WWOX: variants seen among roughly 807,000 people sequenced by gnomAD.
WWOX encodes the protein WW domain-containing oxidoreductase.
A neutral mutation model predicts 46.2 loss-of-function variants in WWOX; 69 were observed. That is an observed-to-expected ratio of 1.49 (90% CI 1.23 to 1.82). The LOEUF (loss-of-function observed/expected upper bound fraction) is 1.82. Ranked by LOEUF, WWOX falls within the 40% of genes most tolerant of loss-of-function variation. The probability of loss-of-function intolerance (pLI) is 0.00; values close to 1 mark genes in which losing one functional copy is unlikely to be tolerated. For synonymous variants in WWOX, 359 were observed against 202.6 expected (o/e 1.77, Z -6.56); for missense variants, 919 against 542.6 (o/e 1.69, Z -6.89).
chr16:78,923,718 C>A (rs934134029), intron 8 of WWOX, among the ~76,000 whole-genome samples: 4 of 148,460 alleles, frequency 2.7e-5, no homozygotes, highest in African/African-American at 7.4e-5. Flanking sequence ...TTTTTATCTG[C>A]CTTGGAAATG....
intron 8 of WWOX, among the ~76,000 whole-genome samples, chr16:79,005,811 C>T (rs974812547): frequency 6.6e-6 from 1 of 152,126 alleles, no homozygotes; most frequent in Non-Finnish European, 1.5e-5. Flanking sequence ...TTTTAGGGAC[C>T]CTTTCAGGCC....
chr16:78,868,672 GA>G (rs1199748819), intron 8 of WWOX, among the ~76,000 whole-genome samples: 1 of 152,124 alleles, frequency 6.6e-6, no homozygotes, highest in Non-Finnish European at 1.5e-5. Flanking sequence ...AGTTTAGCAA[GA>G]GTCACTCTGA....
intron 8 of WWOX, among the ~76,000 whole-genome samples, chr16:78,802,915 G>GGAAAAAAAAAAAAAA (rs2050927892): frequency 9.6e-5 from 1 of 10,442 alleles, no homozygotes; most frequent in Non-Finnish European, 1.9e-4. Context: ...GACTTCATCT[G>GGAAAAAAAAAAAAAA]AAAAAAAAAA....
In WWOX at chr16:78,228,669, A is replaced by T. The variant is rs573328585; in HGVS notation, c.516+64380A>T. 5.3e-5 allele frequency among the ~76,000 whole-genome samples: 8 copies of T among 152,298 alleles called. No homozygotes were observed. The South Asian group carries it at 1.0e-3, about 20-fold the overall frequency. ...GGAATCATATTCTCTTCACTGAAACATTTCAGATGACTTAAAAATTCACCT... is the reference window on the plus strand; with the variant it reads ...GGAATCATATTCTCTTCACTGAAACTTTTCAGATGACTTAAAAATTCACCT... On this transcript the variant is annotated intron_variant, in intron 5 of 8. Transcript: ENST00000566780.
chr16:78,659,333 G>A (rs1031069289), intron 8 of WWOX, among the ~76,000 whole-genome samples: 3 of 151,864 alleles, frequency 2.0e-5, no homozygotes, highest in Admixed American at 6.6e-5. Context: ...TAACCATCGC[G>A]CCTGGGGTTC....
chr16:78,196,821 A>C (rs1049200840), intron 5 of WWOX, among the ~76,000 whole-genome samples: 2 of 152,236 alleles, frequency 1.3e-5, no homozygotes, highest in African/African-American at 4.8e-5. Flanking sequence ...CTAATGATTT[A>C]ATGTACTCTC....
chr16:78,693,619 T>C (rs2048037419), intron 8 of WWOX, among the ~76,000 whole-genome samples: 1 of 152,110 alleles, frequency 6.6e-6, no homozygotes, highest in Non-Finnish European at 1.5e-5. Context: ...GTCGGGAACA[T>C]TTGGCAATGT....
At chr16:78,912,387 C>G (rs1453690092) in intron 8 of WWOX, among the ~76,000 whole-genome samples, 1 of 151,892 alleles carries the variant, frequency 6.6e-6, no homozygotes, top group Non-Finnish European at 1.5e-5. Flanking sequence ...CATGACAAAT[C>G]TGAGGGTCAG....
rs1454010719 is a variant in WWOX, at chr16:78,360,809, T to C, written c.517-26051T>C. Among the ~76,000 whole-genome samples, 5 of 131,924 alleles carry C rather than the reference T, an allele frequency of 3.8e-5. No homozygotes were observed. The East Asian group carries it at 1.0e-3, about 27-fold the overall frequency. 86.5% of individuals were successfully genotyped at this position (131,924 alleles called of 152,430 possible). ...CCACATTATATTTAATTGTTGTATCTCCTTGGTGCCTTTAGTGCTTTTTTT... is the reference window on the plus strand; with the variant it reads ...CCACATTATATTTAATTGTTGTATCCCCTTGGTGCCTTTAGTGCTTTTTTT... On this transcript the variant is annotated intron_variant, in intron 5 of 8. Coordinates refer to ENST00000566780, the MANE Select transcript of WWOX (RefSeq NM_016373.4).
chr16:78,304,089 T>G (rs957396455), intron 5 of WWOX, among the ~76,000 whole-genome samples: 6 of 152,318 alleles, frequency 3.9e-5, no homozygotes, highest in East Asian at 1.9e-4. Flanking sequence ...AAACATAGCT[T>G]CGGTGCTCCT....
chr16:78,576,223 A>G (rs1370183309), intron 8 of WWOX, among the ~76,000 whole-genome samples: 1 of 152,188 alleles, frequency 6.6e-6, no homozygotes, highest in Non-Finnish European at 1.5e-5. Flanking sequence ...TCTTTTAAAT[A>G]GGCTTCCTTC....
At chr16:78,870,501 G>C (rs1169604864) in intron 8 of WWOX, among the ~76,000 whole-genome samples, 1 of 150,592 alleles carries the variant, frequency 6.6e-6, no homozygotes, top group Non-Finnish European at 1.5e-5. Flanking sequence ...TTCTGTGTCA[G>C]ATTAAAAAAA....
chr16:78,339,993 C>G (rs1275465734), intron 5 of WWOX, among the ~76,000 whole-genome samples: 1 of 49,450 alleles, frequency 2.0e-5, no homozygotes, highest in East Asian at 3.6e-4. Context: ...AGGGATAGTT[C>G]TTCTAGTCTT....
intron 8 of WWOX, among the ~76,000 whole-genome samples, chr16:79,096,041 T>C (rs1196989657): frequency 7.7e-6 from 1 of 130,134 alleles, no homozygotes; most frequent in Non-Finnish European, 1.6e-5. Context: ...TTTTTTTTGG[T>C]ATTTTTGGTA....
At chr16:79,097,234 A>G (rs1197944749) in intron 8 of WWOX, among the ~76,000 whole-genome samples, 1 of 152,068 alleles carries the variant, frequency 6.6e-6, no homozygotes, top group African/African-American at 2.4e-5. Flanking sequence ...TAATTGCATA[A>G]TGACGTCTTT....
chr16:78,155,836 G>A (rs186829370), intron 4 of WWOX, among the ~76,000 whole-genome samples: 2 of 152,302 alleles, frequency 1.3e-5, no homozygotes, highest in Admixed American at 6.5e-5. Context: ...ACAAGAGTGA[G>A]GGATGTTATT....
intron 8 of WWOX, among the ~76,000 whole-genome samples, chr16:78,848,370 C>G (rs553124080): frequency 2.6e-5 from 4 of 152,280 alleles, no homozygotes; most frequent in African/African-American, 9.6e-5. Context: ...ACTGTATTTG[C>G]TAACTGTTGG....
chr16:78,509,474 G>A (rs974380778), intron 8 of WWOX, among the ~76,000 whole-genome samples: 1 of 151,536 alleles, frequency 6.6e-6, no homozygotes. Context: ...AATAATAATC[G>A]CACCTCAATA....
At chr16:78,774,496 TTGTGTGTGTGTGTGTGTGTG>T in intron 8 of WWOX, among the ~76,000 whole-genome samples, 1 of 149,524 alleles carries the variant, frequency 6.7e-6, no homozygotes, top group African/African-American at 2.5e-5. Flanking sequence ...CAGACCCATT[TTGTGTGTGTGTGTGTGTGTG>T]TGTGTGTGTG....
Sources: gnomAD v4.1 joint callset for allele counts (sites outside exome capture counted in the v4.1 genomes callset) on GRCh38, gnomAD v4.1.1 for gene constraint, MANE v1.5 for transcripts, NCBI Gene and HGNC (gene_info 2026-07-23, HGNC 2026-07-21) for gene names.